Variants in ZNF808 observed in about 807,000 individuals in gnomAD.
The protein encoded by ZNF808 is zinc finger protein 808.
In ZNF808, 5 loss-of-function variants were observed where a neutral mutation model predicts 8.7. The observed-to-expected ratio is 0.58, with a 90% CI of 0.30 to 1.21. ZNF808 has a LOEUF of 1.21. Among genes scored for constraint, ZNF808 ranks in the 50% most tolerant of loss-of-function variants. The pLI is 0.07. For missense variants in ZNF808, 1,103 were observed against 1,098.4 expected, an observed-to-expected ratio of 1.00 and a Z score of -0.06; for synonymous variants, 380 against 366.0, an observed-to-expected ratio of 1.04 and a Z score of -0.44.
At chr19:52,534,952 T>C (rs2059591529) in intron 2 of ZNF808, among the ~76,000 whole-genome samples, 1 of 151,896 alleles carries the variant, frequency 6.6e-6, no homozygotes, top group Non-Finnish European at 1.5e-5. Context: ...ACAAATGTGC[T>C]GGGACAACTA....
intron 3 of ZNF808, among the ~76,000 whole-genome samples, chr19:52,544,851 T>C (rs1262373920): frequency 6.6e-6 from 1 of 152,170 alleles, no homozygotes; most frequent in African/African-American, 2.4e-5. Flanking sequence ...TGGCGGCATC[T>C]CAGCTCACTA....
At chr19:52,537,169 A>G (rs1046155155) in intron 2 of ZNF808, among the ~76,000 whole-genome samples, 2 of 143,112 alleles carry the variant, frequency 1.4e-5, no homozygotes, top group African/African-American at 5.5e-5. Context: ...CTGGGCAACA[A>G]GAGTGAAACT....
downstream of ZNF808, among the ~76,000 whole-genome samples, chr19:52,557,416 T>A (rs1254773757): frequency 6.6e-6 from 1 of 151,934 alleles, no homozygotes; most frequent in Non-Finnish European, 1.5e-5. Flanking sequence ...ACAGGTGCCC[T>A]CCACCACTCC....
exon 4 of ZNF808, chr19:52,563,608 T>C (rs562936322): frequency 6.5e-6 from 1 of 153,518 alleles, no homozygotes; most frequent in African/African-American, 2.4e-5. Flanking sequence ...GCTATGGAGT[T>C]GATGCCCAAA....
At chr19:52,559,325 A>T (rs533290568), downstream of ZNF808, among the ~76,000 whole-genome samples, 1 of 152,096 alleles carries the variant, frequency 6.6e-6, no homozygotes, top group African/African-American at 2.4e-5. Flanking sequence ...AGGCATTGAG[A>T]TGTTTATGTA....
chr19:52,551,010 C>T (rs1316426342), intron 4 of ZNF808, among the ~76,000 whole-genome samples: 1 of 151,954 alleles, frequency 6.6e-6, no homozygotes, highest in Non-Finnish European at 1.5e-5. Flanking sequence ...GGCTTGAGGT[C>T]AGGAGTTTGA....
In ZNF808 at chr19:52,553,710, G is replaced by T; in HGVS notation, c.794G>T (p.Gly265Val). The T allele has an allele frequency of 6.2e-7, 1 of 1,614,104 alleles. No homozygotes were observed. Among genetic ancestry groups the T allele is most frequent in the Non-Finnish European group, 8.5e-7 (1 of 1,180,002 alleles). ...AAACAATATAAATGTGATGTATGTG[G>T]CAAGCTCTTTAATCACAAGCAATAC... The part of the protein sequence containing the change: ...GDKQYKCDVC[G>V]KLFNHKQYLA... The change falls in exon 5 of 5, where the codon GGC becomes GTC. Residue 265 changes from glycine (G) to valine (V), a missense_variant. Physicochemically the swap from Gly to Val is moderately radical, Grantham distance 109. Transcript: ENST00000359798.
intron 4 of ZNF808, among the ~76,000 whole-genome samples, chr19:52,551,772 G>T (rs2059779071): frequency 6.6e-6 from 1 of 151,374 alleles, no homozygotes. Flanking sequence ...GGAGGTCAAG[G>T]GGGGTGGATT....
At position 52,554,202 on chromosome 19, in the gene ZNF808, G is replaced by A. The variant is rs775274948; in HGVS notation, c.1286G>A (p.Cys429Tyr). Residue 429 changes from cysteine (C) to tyrosine (Y), a missense_variant, in exon 5 of 5, where the codon TGT becomes TAT. Coordinates refer to ENST00000359798, the MANE Select transcript of ZNF808 (RefSeq NM_001039886.4). ...CATACTGGAGAGAAACCTTACAAATGTGAAGAATGTGACAAAGTTTTCAGT... is the reference window on the plus strand; with the variant it reads ...CATACTGGAGAGAAACCTTACAAATATGAAGAATGTGACAAAGTTTTCAGT... ...ILHTGEKPYK[C>Y]EECDKVFSQK... 4 of 1,613,624 alleles carry A rather than the reference G, an allele frequency of 2.5e-6. No homozygotes were observed. The South Asian group carries it at 3.3e-5, about 13-fold the overall frequency.
At chr19:52,561,202 CTCTCTCTCTCTATATATATATA>C (rs1191513921), downstream of ZNF808, among the ~76,000 whole-genome samples, 164 of 43,774 alleles carry the variant, frequency 3.7e-3, 3 homozygotes, top group Non-Finnish European at 6.8e-3. Context: ...CTCTCTCTCT[CTCTCTCTCTCTATATATATATA>C]TATATATATA....
At chr19:52,566,698 T>C (rs1264925634), downstream of ZNF808, among the ~76,000 whole-genome samples, 1 of 151,972 alleles carries the variant, frequency 6.6e-6, no homozygotes, top group Non-Finnish European at 1.5e-5. Context: ...GGATAAACTG[T>C]TAAACAGGAT....
chr19:52,535,515 TCC>T (rs1441346013), intron 2 of ZNF808, among the ~76,000 whole-genome samples: 1 of 151,908 alleles, frequency 6.6e-6, no homozygotes, highest in Admixed American at 6.6e-5. Flanking sequence ...CGTGCCCGCA[TCC>T]CTGCTGTGTT....
chr19:52,553,779 A>G lies in ZNF808; in HGVS notation c.863A>G (p.Lys288Arg). 3 of 1,614,156 alleles carry G rather than the reference A, an allele frequency of 1.9e-6. No homozygotes were observed. Among genetic ancestry groups the G allele is most frequent in the Non-Finnish European group, 2.5e-6 (3 of 1,180,024 alleles). Residue 288 changes from lysine to arginine, a missense_variant, in exon 5 of 5, where the codon AAG (lysine) becomes AGG (arginine). By Grantham distance (26) the Lys-to-Arg change is conservative. Coordinates refer to ENST00000359798, the MANE Select transcript of ZNF808 (RefSeq NM_001039886.4). ...RRCHTGEKPY[K>R]CKECGKSFSY... Reference sequence around the variant, plus strand: ...TGTCACACTGGAGAGAAACCTTACAAGTGTAAAGAGTGTGGAAAGTCCTTC... The same window carrying G: ...TGTCACACTGGAGAGAAACCTTACAGGTGTAAAGAGTGTGGAAAGTCCTTC...
chr19:52,567,519 A>G (rs2059875959), downstream of ZNF808, among the ~76,000 whole-genome samples: 1 of 128,812 alleles, frequency 7.8e-6, no homozygotes, highest in Non-Finnish European at 1.6e-5. Flanking sequence ...TATTATTATT[A>G]TTATTATTAT....
At chr19:52,560,516 T>A (rs999960404), downstream of ZNF808, among the ~76,000 whole-genome samples, 5 of 150,822 alleles carry the variant, frequency 3.3e-5, no homozygotes, top group African/African-American at 1.2e-4. Context: ...TTTGTGTGTA[T>A]GAAATTCTGG....
chr19:52,547,338 A>C (rs977540919), intron 3 of ZNF808, among the ~76,000 whole-genome samples, 174 bp from the exon 4 acceptor site: 12 of 152,188 alleles, frequency 7.9e-5, no homozygotes, highest in Non-Finnish European at 1.5e-4. Context: ...TCTTTCAAGG[A>C]AAAGTACAAT....
At position 52,553,996 on chromosome 19, in the gene ZNF808, C is replaced by A; in HGVS notation, c.1080C>A (p.Arg360=). 3 of 1,613,886 alleles carry A rather than the reference C, an allele frequency of 1.9e-6. No homozygotes were observed. Among genetic ancestry groups the A allele is most frequent in the Non-Finnish European group, 2.5e-6 (3 of 1,179,962 alleles). The change falls in exon 5 of 5, where the codon CGC becomes CGA. Residue 360 remains arginine (R), a synonymous_variant. Coordinates refer to ENST00000359798, the MANE Select transcript of ZNF808 (RefSeq NM_001039886.4). ...KAFNQQSHLS[R]HQRLHTGVKP... is the part of the protein sequence containing the mutation. Reference sequence around the variant, plus strand: ...TTAATCAACAATCACACCTTTCACGCCATCAAAGACTTCATACTGGAGTGA... The same window carrying A: ...TTAATCAACAATCACACCTTTCACGACATCAAAGACTTCATACTGGAGTGA...
downstream of ZNF808, among the ~76,000 whole-genome samples, chr19:52,564,754 C>G (rs35993483): frequency 0.16 from 23,681 of 152,046 alleles, 3,165 homozygotes; most frequent in African/African-American, 0.37. Context: ...AGGAGTTCAA[C>G]AACAGCCTGA....
chr19:52,550,229 G>GTT (rs57744050), intron 4 of ZNF808, among the ~76,000 whole-genome samples: 7 of 144,736 alleles, frequency 4.8e-5, no homozygotes, highest in African/African-American at 7.5e-5. Context: ...TCCAGGGTTG[G>GTT]TTTTTTTTTT....
Sources: allele counts gnomAD v4.1 joint callset (sites outside exome capture counted in the v4.1 genomes callset), GRCh38; gene constraint gnomAD v4.1.1; transcripts MANE v1.5; gene names NCBI Gene and HGNC (gene_info 2026-07-23, HGNC 2026-07-21).